ASIC4: variants seen among roughly 807,000 people sequenced by gnomAD.
The protein encoded by ASIC4 is acid sensing ion channel subunit family member 4, also known as acid-sensing ion channel 4.
Under a neutral mutation model 53.4 loss-of-function variants are expected in ASIC4, and 28 were observed. The observed-to-expected ratio is 0.52, with a 90% CI of 0.39 to 0.72. ASIC4 has a LOEUF of 0.72. Among genes scored for constraint, ASIC4 ranks in the 30% least tolerant of loss-of-function variants. The pLI is 0.00. For synonymous variants in ASIC4, 289 were observed against 301.4 expected (o/e 0.96, Z 0.43); for missense variants, 649 against 729.7 (o/e 0.89, Z 1.27).
rs775871563 is a variant in ASIC4 at position 219,515,180 on chromosome 2, G to A, written c.456G>A (p.Ala152=). 69 of 1,614,056 alleles carry A rather than the reference G, an allele frequency of 4.3e-5. No individual in the cohort carries two copies. The highest frequency in any genetic ancestry group is 2.0e-4 in the Admixed American group (12 of 60,008). The change falls in exon 1 of 10, where the codon GCG becomes GCA. Residue 152 remains alanine, a synonymous_variant. Transcript: ENST00000358078. ...CCAAAGACCGGGATGGGCACCGTGC[G>A]GCTGGCCTGCGCTACCCAGAGCCTG... The part of the protein sequence containing the change: ...LPPKDRDGHR[A]AGLRYPEPDM...
rs190144376 is a variant in ASIC4 at position 219,532,602 on chromosome 2, C to T, written c.1018+125C>T. 6.4e-4 allele frequency: 843 copies of T among 1,315,386 alleles called. No homozygotes were observed. The African/African-American group carries it at 6.9e-3, about 11-fold the overall frequency. The allele number at this position is 1,315,386 out of a possible 1,614,324, so 81.5% of individuals were successfully genotyped here. ...TACAACATGTGTATGTGTCTGTACCCGTGTGAGTGTGAGTGTTTGGGATTT... is the reference window on the plus strand; with the variant it reads ...TACAACATGTGTATGTGTCTGTACCTGTGTGAGTGTGAGTGTTTGGGATTT... On this transcript the variant is annotated intron_variant, in intron 4 of 9. Coordinates refer to ENST00000358078, the MANE Select transcript of ASIC4 (RefSeq NM_018674.6).
chr2:219,524,204 G>T (rs987939785), intron 1 of ASIC4, among the ~76,000 whole-genome samples: 1 of 152,222 alleles, frequency 6.6e-6, no homozygotes, highest in African/African-American at 2.4e-5. Flanking sequence ...TTTGTTCTCT[G>T]TTGCATGTCC....
Position 219,535,180 on chromosome 2 carries a change from G to C in ASIC4, c.1085G>C (p.Gly362Ala), listed in dbSNP as rs1200018341. The change falls in exon 6 of 10, where the codon GGT becomes GCT. Residue 362 changes from glycine (G) to alanine (A), a missense_variant. Coordinates refer to ENST00000358078, the MANE Select transcript of ASIC4 (RefSeq NM_018674.6). ...ECADHTLDSL[G>A]GGPEGPCFCP... is the part of the protein sequence containing the mutation. Reference sequence around the variant, plus strand: ...TACCTCTGTGTTGCAGACTCCCTGGGTGGGGGCCCTGAGGGCCCGTGCTTC... The same window carrying C: ...TACCTCTGTGTTGCAGACTCCCTGGCTGGGGGCCCTGAGGGCCCGTGCTTC... 5 of 1,613,312 alleles carry C rather than the reference G, an allele frequency of 3.1e-6. No homozygotes were observed. The highest frequency in any genetic ancestry group is 4.2e-6 in the Non-Finnish European group (5 of 1,179,610).
At chr2:219,531,617 C>G (rs946344819) in intron 1 of ASIC4, 141 bp from the exon 2 acceptor site, 1 of 925,266 alleles carries the variant, frequency 1.1e-6, no homozygotes, top group Non-Finnish European at 1.6e-6. Flanking sequence ...ATTGGAGAGG[C>G]TGGGCTGTAC....
At chr2:219,529,716 T>C (rs189894072) in intron 1 of ASIC4, among the ~76,000 whole-genome samples, 2 of 152,276 alleles carry the variant, frequency 1.3e-5, no homozygotes, top group African/African-American at 4.8e-5. Flanking sequence ...TCTGAAGTAG[T>C]TGGGATAACT....
upstream of ASIC4, among the ~76,000 whole-genome samples, chr2:219,513,224 G>A (rs1020676393): frequency 3.3e-5 from 5 of 151,014 alleles, no homozygotes; most frequent in African/African-American, 7.3e-5. Flanking sequence ...TTAGCGCCCC[G>A]ATTAATCAGC....
At chr2:219,527,157 G>A (rs997784720) in intron 1 of ASIC4, among the ~76,000 whole-genome samples, 1 of 152,172 alleles carries the variant, frequency 6.6e-6, no homozygotes, top group African/African-American at 2.4e-5. Context: ...GGGCTGTGCT[G>A]CCACCAGAGT....
At position 219,538,143 on chromosome 2, in the gene ASIC4, C is replaced by T. The variant is rs1162978029; in HGVS notation, c.*97C>T. ...CTGGGAGAGGCCTGGGGGCGGTGCT[C>T]ACTGGGAGGGCCAGGACTCAGTTCC... On this transcript the variant is annotated 3_prime_UTR_variant, in exon 10 of 10. Transcript: ENST00000358078. 1.9e-6 allele frequency: 2 copies of T among 1,052,848 alleles called. No individual in the cohort carries two copies. The highest frequency in any genetic ancestry group is 2.6e-5 in the East Asian group (1 of 38,646). The allele number at this position is 1,052,848 out of a possible 1,614,324, so 65.2% of individuals were successfully genotyped here.
Position 219,516,916 on chromosome 2 carries a change from A to C in ASIC4, c.582+1610A>C, listed in dbSNP as rs571567461. 6.6e-6 allele frequency: 1 copy of C among 152,508 alleles called. No individual in the cohort carries two copies. The highest frequency in any genetic ancestry group is 1.5e-5 in the Non-Finnish European group (1 of 68,178). The allele number at this position is 152,508 out of a possible 1,614,324, so 9.4% of individuals were successfully genotyped here. ...GGGAAAAGCACTGCTCCCCAAAGCA[A>C]GGGTTGGTAGAGTCCCCGAGGAGGA... On this transcript the variant is annotated intron_variant, in intron 1 of 9. Coordinates refer to ENST00000358078, the MANE Select transcript of ASIC4 (RefSeq NM_018674.6). The surrounding 1 kb of genome is among the most constrained non-coding windows in gnomAD (Gnocchi z 4.9).
intron 1 of ASIC4, among the ~76,000 whole-genome samples, chr2:219,525,726 G>A (rs756644937): frequency 1.3e-4 from 20 of 152,200 alleles, no homozygotes; most frequent in Non-Finnish European, 1.5e-4. Context: ...TAGGCCCTGG[G>A]AGCTGTTCCA....
chr2:219,512,372 G>A (rs1212304843), upstream of ASIC4, among the ~76,000 whole-genome samples: 1 of 152,182 alleles, frequency 6.6e-6, no homozygotes, highest in African/African-American at 2.4e-5. Flanking sequence ...GCACTCCAGG[G>A]TAGCAACGAG....
chr2:219,525,337 A>G (rs1274779712), intron 1 of ASIC4, among the ~76,000 whole-genome samples: 1 of 152,234 alleles, frequency 6.6e-6, no homozygotes, highest in Non-Finnish European at 1.5e-5. Flanking sequence ...TTCTGTCTCT[A>G]CTTGACACAT....
At chr2:219,520,089 C>T (rs755494731) in intron 1 of ASIC4, among the ~76,000 whole-genome samples, 5 of 152,074 alleles carry the variant, frequency 3.3e-5, no homozygotes, top group South Asian at 2.1e-4. Context: ...CAGGCAGCCC[C>T]GGGGGGCCAG....
Position 219,514,580 on chromosome 2 carries a change from C to T in ASIC4, c.-145C>T. 1 of 1,583,562 alleles carries T rather than the reference C, an allele frequency of 6.3e-7. No individual in the cohort carries two copies. The highest frequency in any genetic ancestry group is 2.3e-5 in the East Asian group (1 of 42,920). On this transcript the variant is annotated 5_prime_UTR_variant, in exon 1 of 10. Coordinates refer to ENST00000358078, the MANE Select transcript of ASIC4 (RefSeq NM_018674.6). ...GGAGTGACTCCCCCACCTCGGGCCC[C>T]CACCCTGTCCCTGTCCTCTTCCCGC...
Position 219,537,206 on chromosome 2 carries a change from G to C in ASIC4, c.1322-36G>C. On this transcript the variant is annotated intron_variant, in intron 7 of 9. Transcript: ENST00000358078. This position sits in a 1 kb window ranked among gnomAD's most constrained non-coding sequence, Gnocchi z 4.9. Reference sequence around the variant, plus strand: ...AGCTTGTGTGGGGGTGGATCGGCCCGGCCGCTCCCTCTGACACTGCTCTCC... The same window carrying C: ...AGCTTGTGTGGGGGTGGATCGGCCCCGCCGCTCCCTCTGACACTGCTCTCC... The C allele has an allele frequency of 6.2e-7, 1 of 1,611,514 alleles. No individual in the cohort carries two copies. The highest frequency in any genetic ancestry group is 1.1e-5 in the South Asian group (1 of 90,954).
chr2:219,507,144 C>T, the ASIC4 span, among the ~76,000 whole-genome samples: 2 of 152,204 alleles, frequency 1.3e-5, no homozygotes, highest in South Asian at 2.1e-4. Flanking sequence ...CCTCCCACTG[C>T]CTCAGCCTCG....
intron 1 of ASIC4, among the ~76,000 whole-genome samples, chr2:219,527,358 C>A (rs1334876945): frequency 6.6e-6 from 1 of 152,242 alleles, no homozygotes; most frequent in East Asian, 1.9e-4. Context: ...CACCCATCTC[C>A]CTTTGTCACC....
intron 1 of ASIC4, among the ~76,000 whole-genome samples, chr2:219,529,818 TG>T (rs1695012663): frequency 6.6e-6 from 1 of 152,136 alleles, no homozygotes; most frequent in Admixed American, 6.5e-5. Context: ...CACACGTTTT[TG>T]TTTCGGGAAC....
At chr2:219,531,365 C>G (rs1456164190) in intron 1 of ASIC4, among the ~76,000 whole-genome samples, 1 of 145,708 alleles carries the variant, frequency 6.9e-6, no homozygotes, top group African/African-American at 2.5e-5. Flanking sequence ...GACCATATCT[C>G]AAAAAAAAAA....
Sources: gnomAD v4.1 joint callset for allele counts (sites outside exome capture counted in the v4.1 genomes callset) on GRCh38, gnomAD v4.1.1 for gene constraint, Gnocchi (gnomAD v3.1) non-coding constraint, MANE v1.5 for transcripts, NCBI Gene and HGNC (gene_info 2026-07-23, HGNC 2026-07-21) for gene names.